The following RYR3 variants were observed in gnomAD, a reference collection of about 807,000 sequenced individuals.
RYR3 encodes the protein brain ryanodine receptor-calcium release channel.
A neutral mutation model predicts 584.3 loss-of-function variants in RYR3; 207 were observed. That is an observed-to-expected ratio of 0.35 (90% CI 0.32 to 0.40). The LOEUF (loss-of-function observed/expected upper bound fraction) is 0.40. Ranked by LOEUF, RYR3 falls within the 10% of genes least tolerant of loss-of-function variation. The pLI is 1.00. For synonymous variants in RYR3, 2,416 were observed against 2,248.5 expected (o/e 1.07, Z -2.11); for missense variants, 5,616 against 6,089.2 (o/e 0.92, Z 2.59).
chr15:33,676,839 T>C (rs1287772657), intron 38 of RYR3, among the ~76,000 whole-genome samples: 1 of 152,222 alleles, frequency 6.6e-6, no homozygotes, highest in Non-Finnish European at 1.5e-5. Context: ...CAGTAATCGA[T>C]GCTTAAAAAG....
Position 33,837,812 on chromosome 15 carries a change from C to T in RYR3, c.11832C>T (p.Phe3944=). Residue 3944 remains phenylalanine (F), a synonymous_variant, in exon 89 of 104, where the codon TTC becomes TTT. Transcript: ENST00000634891. ...AAGGAATTATCTCCAAAAAAGAATT[C>T]CAGAAGGCCATGGAAGGGCAAAAAC... The part of the protein sequence containing the change: ...DGKGIISKKE[F]QKAMEGQKQY... 1 of 1,613,934 alleles carries T rather than the reference C, an allele frequency of 6.2e-7. No homozygotes were observed. Among genetic ancestry groups the T allele is most frequent in the Non-Finnish European group, 8.5e-7 (1 of 1,179,886 alleles).
intron 87 of RYR3, among the ~76,000 whole-genome samples, chr15:33,835,769 C>G (rs1311810831): frequency 6.6e-6 from 1 of 152,196 alleles, no homozygotes; most frequent in African/African-American, 2.4e-5. Context: ...CCCCTTTTGA[C>G]TCTGGCCTTA....
intron 40 of RYR3, among the ~76,000 whole-genome samples, chr15:33,699,091 A>G (rs1419453572): frequency 6.6e-6 from 1 of 152,158 alleles, no homozygotes; most frequent in Non-Finnish European, 1.5e-5. Context: ...ATCAATGACA[A>G]AAGTAGTCAG....
chr15:33,675,409 C>T (rs568079556), intron 38 of RYR3, among the ~76,000 whole-genome samples: 2 of 152,232 alleles, frequency 1.3e-5, no homozygotes, highest in Non-Finnish European at 2.9e-5. Flanking sequence ...AATTCAACGC[C>T]CATCCTTGTC....
intron 1 of RYR3, among the ~76,000 whole-genome samples, chr15:33,349,260 G>T (rs74005187): frequency 6.6e-6 from 1 of 152,118 alleles, no homozygotes; most frequent in East Asian, 1.9e-4. Flanking sequence ...CACGTTTTGT[G>T]TAGACATAAG....
chr15:33,393,453 C>T (rs2042121966), intron 1 of RYR3, among the ~76,000 whole-genome samples: 2 of 152,120 alleles, frequency 1.3e-5, no homozygotes, highest in Admixed American at 1.3e-4. Context: ...ATGCAACATG[C>T]TTTAAGCCAA....
chr15:33,646,274 T>G (rs2062096097), intron 28 of RYR3, 77 bp from the exon 29 acceptor site: 1 of 1,316,924 alleles, frequency 7.6e-7, no homozygotes. Context: ...GCCATGTGCA[T>G]GTCCACGAGG....
At chr15:33,631,099 C>G (rs935190102) in intron 22 of RYR3, 111 bp from the exon 23 acceptor site, 9 of 658,550 alleles carry the variant, frequency 1.4e-5, no homozygotes, top group Non-Finnish European at 2.1e-5. Context: ...TCTACTGACC[C>G]CTGGGCTAAA....
rs1261040823 is a variant in RYR3, at chr15:33,772,072, T to C, written c.8969T>C (p.Ile2990Thr). The C allele has an allele frequency of 6.2e-7, 1 of 1,613,740 alleles. No individual in the cohort carries two copies. Among genetic ancestry groups the C allele is most frequent in the South Asian group, 1.1e-5 (1 of 91,036 alleles). ...CAGATTAAAGGCGTTTCTCAGAATA[T>C]TAACTACACTACAGTGGCTCTGCTC... ...RTQIKGVSQN[I>T]NYTTVALLPI... Residue 2990 changes from isoleucine (I) to threonine (T), a missense_variant, in exon 63 of 104, where the codon ATT becomes ACT. Around this residue, in one of 9 missense-constraint regions of RYR3, gnomAD observed 954 missense variants for 1,132.2 expected, o/e 0.84. Transcript: ENST00000634891.
At position 33,794,109 on chromosome 15, in the gene RYR3, T is replaced by TATACATAAATA. The variant is rs1275037163; in HGVS notation, c.9830+5652_9830+5653insTACATAAATAA. Among the ~76,000 whole-genome samples the TATACATAAATA allele has an allele frequency of 4.1e-4, 14 of 34,396 alleles. No individual in the cohort carries two copies. The South Asian group carries it at 0.016, about 39-fold the overall frequency. 22.6% of individuals were successfully genotyped at this position (34,396 alleles called of 152,430 possible). A position where few individuals can be genotyped will look rare whatever the true frequency, so the allele number is the denominator to read the frequency against. ...ATACATAATATATATTATATAAATA[T>TATACATAAATA]AATATACATAAATATATATTTATAT... On this transcript the variant is annotated intron_variant, in intron 67 of 103. Coordinates refer to ENST00000634891, the MANE Select transcript of RYR3 (RefSeq NM_001036.6).
At chr15:33,667,229 T>C (rs1221684576) in intron 36 of RYR3, among the ~76,000 whole-genome samples, 1 of 152,188 alleles carries the variant, frequency 6.6e-6, no homozygotes, top group East Asian at 1.9e-4. Context: ...CAAAAGGAGT[T>C]TGGGTTATCC....
intron 1 of RYR3, chr15:33,467,375 G>A: frequency 4.6e-6 from 2 of 435,806 alleles, no homozygotes; most frequent in Non-Finnish European, 6.1e-6. Context: ...TTGTTCCAGA[G>A]AGTTCCTCAC....
At chr15:33,639,691 G>A (rs1056333928) in intron 27 of RYR3, among the ~76,000 whole-genome samples, 1 of 152,144 alleles carries the variant, frequency 6.6e-6, no homozygotes, top group African/African-American at 2.4e-5. Context: ...GGGAAGCAGT[G>A]GGGACAGATA....
In RYR3 at chr15:33,662,470, C is replaced by T. The variant is rs753605054; in HGVS notation, c.4940C>T (p.Ser1647Phe). Residue 1647 changes from serine (S) to phenylalanine (F), a missense_variant, in exon 35 of 104, where the codon TCC becomes TTC. Physicochemically the swap from Ser to Phe is radical, Grantham distance 155 (BLOSUM62 -2). Transcript: ENST00000634891. Reference sequence around the variant, plus strand: ...AATATCCGCCTCTTCCCGGACGAGTCCAAGAGGCATGGACTGCCTGGGGTG... The same window carrying T: ...AATATCCGCCTCTTCCCGGACGAGTTCAAGAGGCATGGACTGCCTGGGGTG... ...TRNIRLFPDE[S>F]KRHGLPGVGL... is the part of the protein sequence containing the mutation. 8 of 1,614,036 alleles carry T rather than the reference C, an allele frequency of 5.0e-6. No individual in the cohort carries two copies. Among genetic ancestry groups the T allele is most frequent in the Non-Finnish European group, 6.8e-6 (8 of 1,179,894 alleles).
rs765738006 is a variant in RYR3 at position 33,707,095 on chromosome 15, G to A, written c.6619+41G>A. 24 of 1,607,610 alleles carry A rather than the reference G, an allele frequency of 1.5e-5. No homozygotes were observed. The East Asian group carries it at 5.4e-4, about 36-fold the overall frequency. On this transcript the variant is annotated intron_variant, in intron 43 of 103. Transcript: ENST00000634891. ...TTCCATACCTCTTATACCCAGAATA[G>A]CATGATCGTGGATACCTACAAGGAA...
chr15:33,339,453 A>G (rs1971540151), intron 1 of RYR3, among the ~76,000 whole-genome samples: 2 of 152,196 alleles, frequency 1.3e-5, no homozygotes, highest in Admixed American at 1.3e-4. Flanking sequence ...AGCCAGGATG[A>G]AGAAGAGGGG....
In RYR3 at chr15:33,813,006, C is replaced by G; in HGVS notation, c.10389+12C>G. 2 of 1,613,880 alleles carry G rather than the reference C, an allele frequency of 1.2e-6. No individual in the cohort carries two copies. Among genetic ancestry groups the G allele is most frequent in the Non-Finnish European group, 1.7e-6 (2 of 1,179,798 alleles). On this transcript the variant is annotated intron_variant, in intron 73 of 103. Coordinates refer to ENST00000634891, the MANE Select transcript of RYR3 (RefSeq NM_001036.6). The stretch of plus-strand genomic sequence containing the variant: ...TCCACCTGGAACAGGTAAGGAGCAT[C>G]TGCCCTGAGGAATGGGGAAGCAGAA...
chr15:33,313,672 T>C (rs959605317), intron 1 of RYR3, among the ~76,000 whole-genome samples: 1 of 152,216 alleles, frequency 6.6e-6, no homozygotes, highest in African/African-American at 2.4e-5. Flanking sequence ...ATTTTGGCAG[T>C]GTATTAGTCA....
chr15:33,455,196 C>G (rs571090274), intron 1 of RYR3, among the ~76,000 whole-genome samples: 75 of 152,206 alleles, frequency 4.9e-4, no homozygotes, highest in African/African-American at 1.8e-3. Flanking sequence ...TGTCACCGTG[C>G]AGGGAGGGCA....
Sources: gnomAD v4.1 joint callset for allele counts (sites outside exome capture counted in the v4.1 genomes callset) on GRCh38, gnomAD v4.1.1 for gene constraint, gnomAD v4.1.1 regional missense constraint, MANE v1.5 for transcripts, NCBI Gene and HGNC (gene_info 2026-07-23, HGNC 2026-07-21) for gene names.